CTNNA3: variants seen among roughly 807,000 people sequenced by gnomAD.
CTNNA3 encodes catenin alpha-3.
In CTNNA3, 76 loss-of-function variants were observed where a neutral mutation model predicts 95.7. The observed-to-expected ratio is 0.79, with a 90% CI of 0.66 to 0.96. The LOEUF (loss-of-function observed/expected upper bound fraction) is 0.96. CTNNA3 is among the 40% of genes least tolerant of loss of function. CTNNA3 has a pLI of 0.00. For missense variants in CTNNA3, 1,191 were observed against 1,089.8 expected, an observed-to-expected ratio of 1.09 and a Z score of -1.31; for synonymous variants, 431 against 374.4, an observed-to-expected ratio of 1.15 and a Z score of -1.74.
chr10:66,480,283 CCTAA>C (rs1449463064), intron 11 of CTNNA3, among the ~76,000 whole-genome samples: 2 of 152,022 alleles, frequency 1.3e-5, no homozygotes, highest in Non-Finnish European at 1.5e-5. Context: ...ACAGTATGTT[CCTAA>C]CTATGACTTA....
intron 10 of CTNNA3, among the ~76,000 whole-genome samples, chr10:66,553,943 A>G (rs1270286542): frequency 6.6e-6 from 1 of 152,124 alleles, no homozygotes; most frequent in African/African-American, 2.4e-5. Context: ...TATTCAAGTT[A>G]TAATTTAAAT....
At chr10:66,417,565 G>A (rs1016230993) in intron 11 of CTNNA3, among the ~76,000 whole-genome samples, 6 of 151,854 alleles carry the variant, frequency 4.0e-5, no homozygotes, top group African/African-American at 1.4e-4. Flanking sequence ...TCCAACAACT[G>A]CAGAATACAC....
intron 7 of CTNNA3, among the ~76,000 whole-genome samples, chr10:66,823,870 A>C (rs1011172464): frequency 3.3e-5 from 5 of 152,124 alleles, no homozygotes; most frequent in Non-Finnish European, 7.4e-5. Flanking sequence ...AATCAAACCT[A>C]AGCATACACC....
chr10:67,234,145 C>A (rs969475907), intron 5 of CTNNA3, among the ~76,000 whole-genome samples: 2 of 152,164 alleles, frequency 1.3e-5, no homozygotes, highest in Admixed American at 6.5e-5. Flanking sequence ...AAGAGGGAAT[C>A]CTCCCTAACT....
At chr10:66,653,435 T>C (rs140337301) in intron 9 of CTNNA3, among the ~76,000 whole-genome samples, 6 of 152,206 alleles carry the variant, frequency 3.9e-5, no homozygotes, top group Non-Finnish European at 8.8e-5. Context: ...AAAACTCTGA[T>C]ACATTGATAA....
chr10:66,446,262 C>T lies in CTNNA3; in HGVS notation c.1532-66910G>A, dbSNP rs562350582. Among the ~76,000 whole-genome samples, 73 of 152,284 alleles carry T rather than the reference C, an allele frequency of 4.8e-4. 1 individual carries two copies. In the South Asian group the frequency reaches 0.013, roughly 27 times the overall value. ...CCAAAGATACAAAGAGGAGCTGGTA[C>T]CATTCCTTCTGAAACTATTCCAACC... On this transcript the variant is annotated intron_variant, in intron 11 of 17. Transcript: ENST00000433211.
intron 13 of CTNNA3, among the ~76,000 whole-genome samples, chr10:66,210,144 C>T (rs1297244228): frequency 6.6e-6 from 1 of 151,530 alleles, no homozygotes; most frequent in Non-Finnish European, 1.5e-5. Flanking sequence ...CACAAACCAG[C>T]TGGAGTAAAA....
chr10:67,726,385 AT>A lies in CTNNA3; in HGVS notation c.-2+37048del, dbSNP rs1277397247. Among the ~76,000 whole-genome samples, 140 of 70,450 alleles carry A rather than the reference AT, an allele frequency of 2.0e-3. 2 individuals are homozygous for A. Among genetic ancestry groups the A allele is most frequent in the African/African-American group, 8.4e-3 (116 of 13,806 alleles). 46.2% of individuals were successfully genotyped at this position (70,450 alleles called of 152,430 possible). On this transcript the variant is annotated intron_variant, in intron 1 of 17. Coordinates refer to the CTNNA3 transcript ENST00000684154. ...TATAATATATGATATTATATATGAAATTATATATATTATATATTATATCATA... is the reference window on the plus strand; with the variant it reads ...TATAATATATGATATTATATATGAAATATATATATTATATATTATATCATA...
chr10:67,721,024 T>G (rs1356849659), intron 1 of CTNNA3, among the ~76,000 whole-genome samples: 1 of 152,232 alleles, frequency 6.6e-6, no homozygotes, highest in East Asian at 1.9e-4. Context: ...GATCTACTGT[T>G]AGTCTGATGG....
chr10:66,801,713 T>A (rs1438015349), intron 7 of CTNNA3, among the ~76,000 whole-genome samples: 1 of 151,576 alleles, frequency 6.6e-6, no homozygotes, highest in African/African-American at 2.4e-5. Flanking sequence ...ACAATCACAA[T>A]TAAAATCCAG....
chr10:66,011,902 T>C (rs1180094961), intron 15 of CTNNA3, among the ~76,000 whole-genome samples: 1 of 152,218 alleles, frequency 6.6e-6, no homozygotes, highest in African/African-American at 2.4e-5. Context: ...GGCACTTTGC[T>C]ATGCTGTATG....
At chr10:66,420,841 A>ATAAATTAATTAAT (rs1324728982) in intron 11 of CTNNA3, among the ~76,000 whole-genome samples, 1 of 147,620 alleles carries the variant, frequency 6.8e-6, no homozygotes, top group African/African-American at 2.5e-5. Context: ...AAATAAATAA[A>ATAAATTAATTAAT]AAACAATATG....
At chr10:67,739,232 A>C (rs1841320912) in intron 1 of CTNNA3, among the ~76,000 whole-genome samples, 1 of 152,218 alleles carries the variant, frequency 6.6e-6, no homozygotes, top group African/African-American at 2.4e-5. Context: ...CATCAGACTA[A>C]CAGCAGAAAC....
intron 5 of CTNNA3, among the ~76,000 whole-genome samples, chr10:67,251,834 G>A (rs912913389): frequency 3.3e-5 from 5 of 152,112 alleles, no homozygotes; most frequent in Admixed American, 1.3e-4. Flanking sequence ...CAGTATTAAC[G>A]TAAACACAGA....
At chr10:66,631,197 C>T (rs1845121915) in intron 9 of CTNNA3, among the ~76,000 whole-genome samples, 1 of 152,174 alleles carries the variant, frequency 6.6e-6, no homozygotes, top group Admixed American at 6.6e-5. Context: ...CTTTACCTCT[C>T]TGTCTTTGGT....
chr10:66,953,073 G>A (rs570824951), intron 7 of CTNNA3, among the ~76,000 whole-genome samples: 1 of 152,182 alleles, frequency 6.6e-6, no homozygotes, highest in East Asian at 1.9e-4. Context: ...CTAGTGTACA[G>A]AGAAACCAAC....
chr10:66,101,253 A>G (rs530750155), intron 14 of CTNNA3, among the ~76,000 whole-genome samples: 3 of 152,198 alleles, frequency 2.0e-5, no homozygotes, highest in Non-Finnish European at 4.4e-5. Flanking sequence ...TTTCAACACA[A>G]ATTGGCTAGT....
chr10:66,010,067 G>T (rs1177724533), intron 15 of CTNNA3, among the ~76,000 whole-genome samples: 1 of 152,130 alleles, frequency 6.6e-6, no homozygotes, highest in Non-Finnish European at 1.5e-5. Flanking sequence ...TTTTTTGAAG[G>T]TTCAAAATAA....
chr10:67,230,743 T>G (rs994866198), intron 5 of CTNNA3, among the ~76,000 whole-genome samples: 8 of 152,192 alleles, frequency 5.3e-5, no homozygotes, highest in Non-Finnish European at 1.2e-4. Context: ...AGGTGATTTC[T>G]GCATTTCCAT....
Sources: allele counts gnomAD v4.1 joint callset (sites outside exome capture counted in the v4.1 genomes callset), GRCh38; gene constraint gnomAD v4.1.1; transcripts MANE v1.5; gene names NCBI Gene and HGNC (gene_info 2026-07-23, HGNC 2026-07-21).